Variants in TJP2 observed in about 807,000 individuals in gnomAD.
TJP2 encodes the protein tight junction protein 2.
In TJP2, 91 loss-of-function variants were observed where a neutral mutation model predicts 133.1. The observed-to-expected ratio is 0.68, with a 90% CI of 0.58 to 0.81. TJP2 has a LOEUF of 0.81. Ranked by LOEUF, TJP2 falls within the 40% of genes least tolerant of loss-of-function variation. TJP2 has a pLI of 0.00. For missense variants in TJP2, 1,541 were observed against 1,565.6 expected (o/e 0.98, Z 0.26); for synonymous variants, 592 against 583.4 (o/e 1.01, Z -0.21).
At chr9:69,121,673 C>T (rs1822147667) in exon 1 of TJP2, 1 of 153,154 alleles carries the variant, frequency 6.5e-6, no homozygotes, top group Admixed American at 6.6e-5. Context: ...CGCCTTCGCC[C>T]TCGCCCAGCG....
chr9:69,205,559 A>T (rs1442341675), intron 1 of TJP2, among the ~76,000 whole-genome samples: 1 of 152,140 alleles, frequency 6.6e-6, no homozygotes, highest in African/African-American at 2.4e-5. Context: ...GTGTTTGTTC[A>T]TGTTTGAGAA....
chr9:69,206,453 T>C (rs552283382), intron 1 of TJP2, among the ~76,000 whole-genome samples: 4 of 152,338 alleles, frequency 2.6e-5, no homozygotes, highest in Admixed American at 6.5e-5. Flanking sequence ...TCTAACTGCA[T>C]TGAAAAATTT....
At chr9:69,172,244 C>A (rs759625445), upstream of TJP2, among the ~76,000 whole-genome samples, 5 of 152,206 alleles carry the variant, frequency 3.3e-5, no homozygotes, top group Admixed American at 1.3e-4. Context: ...TCAACTGAAC[C>A]GTGTTTCTAA....
At chr9:69,251,398 A>G in intron 21 of TJP2, 34 bp downstream of exon 21, 1 of 1,597,358 alleles carries the variant, frequency 6.3e-7, no homozygotes, top group Non-Finnish European at 8.5e-7. Context: ...CATCAATAAG[A>G]GTTTTAAATA....
chr9:69,249,229 G>T, intron 19 of TJP2, 146 bp from the exon 20 acceptor site: 1 of 1,485,430 alleles, frequency 6.7e-7, no homozygotes, highest in Non-Finnish European at 9.0e-7. Flanking sequence ...TTTGGTGATG[G>T]TTTCTGCCTG....
intron 2 of TJP2, among the ~76,000 whole-genome samples, chr9:69,153,503 G>C (rs757375969): frequency 6.6e-6 from 1 of 152,136 alleles, no homozygotes; most frequent in Non-Finnish European, 1.5e-5. Context: ...AGAATCACTT[G>C]AACCCAGGAG....
At chr9:69,160,775 C>T (rs765204140) in intron 2 of TJP2, among the ~76,000 whole-genome samples, 10 of 152,302 alleles carry the variant, frequency 6.6e-5, no homozygotes, top group South Asian at 2.1e-4. Flanking sequence ...GTAAAAAGCA[C>T]GTCTCACATG....
chr9:69,228,405 G>A (rs1237644703), intron 9 of TJP2, among the ~76,000 whole-genome samples: 2 of 152,148 alleles, frequency 1.3e-5, no homozygotes, highest in African/African-American at 4.8e-5. Flanking sequence ...AAACTATTAG[G>A]TATCATGCTC....
At chr9:69,191,553 C>T (rs549876656) in intron 1 of TJP2, among the ~76,000 whole-genome samples, 2 of 152,196 alleles carry the variant, frequency 1.3e-5, no homozygotes, top group Non-Finnish European at 2.9e-5. Flanking sequence ...AGGCTTTGAG[C>T]GAATGAATGT....
At chr9:69,152,817 CTTTTTTTTTTTTTTTTTT>C (rs10543289) in intron 2 of TJP2, among the ~76,000 whole-genome samples, 538 of 48,072 alleles carry the variant, frequency 0.011, 10 homozygotes, top group African/African-American at 0.033. Flanking sequence ...CTCTGGAGCT[CTTTTTTTTTTTTTTTTTT>C]TTTTTTTTTT....
chr9:69,157,498 C>T (rs1055920345), intron 2 of TJP2, among the ~76,000 whole-genome samples: 1 of 150,206 alleles, frequency 6.7e-6, no homozygotes, highest in African/African-American at 2.5e-5. Context: ...CAGAGTCTCA[C>T]TCTGTCGCCC....
chr9:69,199,161 T>G (rs1318679397), intron 1 of TJP2, among the ~76,000 whole-genome samples: 1 of 132,980 alleles, frequency 7.5e-6, no homozygotes, highest in Non-Finnish European at 1.6e-5. Context: ...CCTACCAGCC[T>G]AGGCCAGCTA....
intron 2 of TJP2, among the ~76,000 whole-genome samples, chr9:69,159,802 G>A (rs905124246): frequency 1.3e-5 from 2 of 151,512 alleles, no homozygotes; most frequent in African/African-American, 4.9e-5. Context: ...CTTGAACCCG[G>A]GTGGCAGAGG....
chr9:69,186,043 C>T (rs1825838689), intron 1 of TJP2, among the ~76,000 whole-genome samples: 1 of 152,104 alleles, frequency 6.6e-6, no homozygotes, highest in Non-Finnish European at 1.5e-5. Context: ...GCTGGGATTA[C>T]AGGTGTGAGC....
chr9:69,136,712 A>G (rs1350708420), intron 1 of TJP2, among the ~76,000 whole-genome samples: 4 of 151,866 alleles, frequency 2.6e-5, no homozygotes, highest in African/African-American at 4.8e-5. Context: ...TCTGGGAAAA[A>G]CTCAGCCCAT....
chr9:69,227,126 GA>G (rs1341638626), intron 7 of TJP2, among the ~76,000 whole-genome samples: 4 of 40,820 alleles, frequency 9.8e-5, no homozygotes, highest in Non-Finnish European at 1.4e-4. Flanking sequence ...GACTTTTGTT[GA>G]TTTTTTTTTT....
intron 1 of TJP2, among the ~76,000 whole-genome samples, chr9:69,146,838 C>T (rs139393579): frequency 2.7e-3 from 418 of 152,164 alleles, no homozygotes; most frequent in African/African-American, 9.6e-3. Context: ...CCTGCAACAA[C>T]GAATTATCCA....
intron 5 of TJP2, among the ~76,000 whole-genome samples, chr9:69,224,730 T>A (rs1829200048): frequency 6.6e-6 from 1 of 152,148 alleles, no homozygotes; most frequent in Non-Finnish European, 1.5e-5. Flanking sequence ...ACATATAACC[T>A]TCATCTAGTT....
At chr9:69,201,514 G>A (rs1390533689) in intron 1 of TJP2, among the ~76,000 whole-genome samples, 1 of 151,948 alleles carries the variant, frequency 6.6e-6, no homozygotes, top group Non-Finnish European at 1.5e-5. Flanking sequence ...AACCTGCCTT[G>A]ATCAGATGCT....
Sources: gnomAD v4.1 joint callset for allele counts (sites outside exome capture counted in the v4.1 genomes callset) on GRCh38, gnomAD v4.1.1 for gene constraint, MANE v1.5 for transcripts, NCBI Gene and HGNC (gene_info 2026-07-23, HGNC 2026-07-21) for gene names.